Variants in COL22A1 observed in about 807,000 individuals in gnomAD.
COL22A1 encodes the protein collagen alpha-1(XXII) chain.
A neutral mutation model predicts 248.9 loss-of-function variants in COL22A1; 221 were observed. That is an observed-to-expected ratio of 0.89 (90% CI 0.80 to 0.99). COL22A1 has a LOEUF of 0.99. COL22A1 is among the 50% of genes least tolerant of loss of function. COL22A1 has a pLI of 0.00. For missense variants in COL22A1, 2,240 were observed against 2,179.0 expected (o/e 1.03, Z -0.56); for synonymous variants, 891 against 793.4 (o/e 1.12, Z -2.07).
At chr8:138,876,964 C>A (rs1195293677) in intron 3 of COL22A1, among the ~76,000 whole-genome samples, 1 of 152,240 alleles carries the variant, frequency 6.6e-6, no homozygotes, top group Non-Finnish European at 1.5e-5. Flanking sequence ...TAGGCAGAGG[C>A]AGAAGCTGGA....
At chr8:138,718,714 G>A (rs937885052) in intron 27 of COL22A1, among the ~76,000 whole-genome samples, 5 of 152,206 alleles carry the variant, frequency 3.3e-5, no homozygotes, top group African/African-American at 7.2e-5. Flanking sequence ...TTGGAAAAGC[G>A]TCATGACCGG....
Position 138,725,411 on chromosome 8 carries a change from G to T in COL22A1, c.2169C>A (p.Gly723=), listed in dbSNP as rs200485521. 5.0e-6 allele frequency: 8 copies of T among 1,614,026 alleles called. 1 individual carries two copies. In the South Asian group the frequency reaches 7.7e-5, roughly 16 times the overall value. The stretch of plus-strand genomic sequence containing the variant: ...CCGGAGAACCTCCCGGTCCAGGGGG[G>T]CCTGGGACACCAGGGGGTCCTGGAG... ...QGPPGPPGVP[G]PPGPGGSPGL... The change falls in exon 24 of 65, where the codon GGC becomes GGA. Residue 723 remains glycine (G), a synonymous_variant. Transcript: ENST00000303045.
intron 39 of COL22A1, among the ~76,000 whole-genome samples, chr8:138,681,846 T>C (rs1467447232): frequency 1.3e-5 from 2 of 152,140 alleles, no homozygotes; most frequent in African/African-American, 2.4e-5. Context: ...ACAAAAACAT[T>C]TTCCCTTTTG....
chr8:138,618,926 A>T (rs1176617004), intron 53 of COL22A1, among the ~76,000 whole-genome samples: 2 of 152,220 alleles, frequency 1.3e-5, no homozygotes, highest in African/African-American at 4.8e-5. Context: ...TATAGATGCT[A>T]GAATTCATAT....
intron 22 of COL22A1, 75 bp downstream of exon 22, chr8:138,751,383 T>C (rs1227644893): frequency 9.7e-7 from 1 of 1,032,816 alleles, no homozygotes; most frequent in East Asian, 2.5e-5. Flanking sequence ...CTGTCTATCT[T>C]CTCTGCATGG....
At chr8:138,596,436 A>G (rs1428902598) in intron 62 of COL22A1, among the ~76,000 whole-genome samples, 9 of 152,152 alleles carry the variant, frequency 5.9e-5, no homozygotes, top group African/African-American at 1.7e-4. Flanking sequence ...CCTCTGAACT[A>G]TCTTAGGTAT....
intron 22 of COL22A1, among the ~76,000 whole-genome samples, chr8:138,743,252 G>A (rs1563698723): frequency 2.0e-5 from 3 of 151,194 alleles, no homozygotes; most frequent in Non-Finnish European, 4.4e-5. Context: ...GGAGTTGATG[G>A]TGATGGTGGT....
At chr8:138,777,203 C>T (rs1291746075) in intron 15 of COL22A1, among the ~76,000 whole-genome samples, 1 of 152,206 alleles carries the variant, frequency 6.6e-6, no homozygotes, top group African/African-American at 2.4e-5. Context: ...GGGTGCCACC[C>T]AGGCCTCCTT....
At chr8:138,811,032 C>T (rs916226152) in intron 9 of COL22A1, among the ~76,000 whole-genome samples, 2 of 152,186 alleles carry the variant, frequency 1.3e-5, no homozygotes, top group Non-Finnish European at 2.9e-5. Context: ...CAGCACAGTT[C>T]TACTTGGCGT....
At chr8:138,769,328 T>C (rs1834169186) in intron 16 of COL22A1, among the ~76,000 whole-genome samples, 1 of 152,198 alleles carries the variant, frequency 6.6e-6, no homozygotes, top group Non-Finnish European at 1.5e-5. Context: ...GGAAGATAAA[T>C]GAAACACAGA....
chr8:138,781,093 G>T, intron 12 of COL22A1, 113 bp from the exon 13 acceptor site: 1 of 750,964 alleles, frequency 1.3e-6, no homozygotes, highest in Non-Finnish European at 2.2e-6. Context: ...GACCAAGACT[G>T]CTGCTCAAAA....
chr8:138,717,149 T>A (rs1001337330), intron 27 of COL22A1, among the ~76,000 whole-genome samples: 6 of 152,146 alleles, frequency 3.9e-5, no homozygotes, highest in South Asian at 2.1e-4. Flanking sequence ...AATTTTTTTT[T>A]ATTTTTTATT....
chr8:138,785,860 C>T (rs1422714186), intron 12 of COL22A1, among the ~76,000 whole-genome samples: 1 of 152,220 alleles, frequency 6.6e-6, no homozygotes, highest in African/African-American at 2.4e-5. Context: ...GTCCACACTG[C>T]CCTGTGTGCT....
At chr8:138,909,564 A>G (rs1815291907) in intron 1 of COL22A1, among the ~76,000 whole-genome samples, 1 of 147,280 alleles carries the variant, frequency 6.8e-6, no homozygotes, top group South Asian at 2.1e-4. Flanking sequence ...TTTTAAAAAA[A>G]CTTACTATAA....
Position 138,869,870 on chromosome 8 carries a change from AC to A in COL22A1, c.658+7879del, listed in dbSNP as rs1272864461. Among the ~76,000 whole-genome samples, 34 of 152,120 alleles carry A rather than the reference AC, an allele frequency of 2.2e-4. 1 individual carries two copies. Among genetic ancestry groups the A allele is most frequent in the Admixed American group, 1.6e-3 (25 of 15,282 alleles). ...CCCATCCCTCCCAGCCTTCGGGTCC[AC>A]CCAGAGGGAACAGCTGGGTGGGTCA... On this transcript the variant is annotated intron_variant, in intron 3 of 64. Coordinates refer to ENST00000303045, the MANE Select transcript of COL22A1 (RefSeq NM_152888.3).
intron 2 of COL22A1, among the ~76,000 whole-genome samples, chr8:138,882,612 CCA>C (rs769920522): frequency 5.8e-4 from 86 of 147,078 alleles, no homozygotes; most frequent in Middle Eastern, 3.7e-3. Context: ...CCTCACACTC[CCA>C]CACACTCTTC....
Position 138,649,649 on chromosome 8 carries a change from C to T in COL22A1, c.3447+16G>A, listed in dbSNP as rs1822515796. 3.1e-6 allele frequency: 5 copies of T among 1,607,564 alleles called. No homozygotes were observed. The highest frequency in any genetic ancestry group is 4.2e-6 in the Non-Finnish European group (5 of 1,176,686). On this transcript the variant is annotated intron_variant, in intron 46 of 64. Transcript: ENST00000303045. ...CATTGTAATGATAAAAATCGAGTTT[C>T]CCCTTTTCTCCTTACCTTTTTCCCT...
intron 41 of COL22A1, among the ~76,000 whole-genome samples, chr8:138,675,235 G>C (rs1825417948): frequency 6.6e-6 from 1 of 152,232 alleles, no homozygotes; most frequent in Non-Finnish European, 1.5e-5. Flanking sequence ...ATTTCAGGGA[G>C]AGAGTGAGAG....
At chr8:138,713,010 CAA>C (rs1775798538) in intron 30 of COL22A1, among the ~76,000 whole-genome samples, 1 of 152,136 alleles carries the variant, frequency 6.6e-6, no homozygotes, top group Non-Finnish European at 1.5e-5. Flanking sequence ...ACTAGAAGCA[CAA>C]GTTAGAATCT....
Sources: gnomAD v4.1 joint callset for allele counts (sites outside exome capture counted in the v4.1 genomes callset) on GRCh38, gnomAD v4.1.1 for gene constraint, MANE v1.5 for transcripts, NCBI Gene and HGNC (gene_info 2026-07-23, HGNC 2026-07-21) for gene names.